Variants in PCLO observed in about 807,000 individuals in gnomAD.
PCLO encodes the protein piccolo presynaptic cytomatrix protein, also known as protein piccolo.
Under a neutral mutation model 427.5 loss-of-function variants are expected in PCLO, and 82 were observed. That is an observed-to-expected ratio of 0.19 (90% CI 0.16 to 0.23). The LOEUF (loss-of-function observed/expected upper bound fraction) is 0.23, where lower values mean the gene tolerates loss of function less well. PCLO is among the 10% of genes least tolerant of loss of function. PCLO has a pLI of 1.00. For synonymous variants in PCLO, 2,357 were observed against 2,155.4 expected, an observed-to-expected ratio of 1.09 and a Z score of -2.59; for missense variants, 6,239 against 6,115.9, an observed-to-expected ratio of 1.02 and a Z score of -0.67.
intron 3 of PCLO, among the ~76,000 whole-genome samples, chr7:83,025,611 A>G (rs1156836191): frequency 1.3e-5 from 2 of 152,100 alleles, no homozygotes; most frequent in Non-Finnish European, 2.9e-5. Context: ...GAATGCCACA[A>G]AGATACTCCT....
chr7:83,063,203 G>A (rs1016080886), intron 3 of PCLO, among the ~76,000 whole-genome samples: 1 of 152,036 alleles, frequency 6.6e-6, no homozygotes, highest in Admixed American at 6.6e-5. Flanking sequence ...TTAGATCCAG[G>A]TATCTGATGT....
chr7:82,846,927 C>T (rs758608071), intron 11 of PCLO, among the ~76,000 whole-genome samples: 2 of 152,114 alleles, frequency 1.3e-5, no homozygotes, highest in Admixed American at 6.6e-5. Context: ...TTAAATGAAG[C>T]ATGTTTCCAT....
In PCLO at chr7:83,099,513, T is replaced by C. The variant is rs370882274; in HGVS notation, c.3300+34737A>G. On this transcript the variant is annotated intron_variant, in intron 3 of 24. Coordinates refer to ENST00000333891, the MANE Select transcript of PCLO (RefSeq NM_033026.6). ...AAGTGATTCTTCTGCCTCAGCCTCC[T>C]GAGTAGATGGGATTACAGGCAGGGG... Among the ~76,000 whole-genome samples the C allele has an allele frequency of 1.7e-4, 26 of 151,674 alleles. No homozygotes were observed. The East Asian group carries it at 3.5e-3, about 20-fold the overall frequency.
intron 3 of PCLO, among the ~76,000 whole-genome samples, chr7:83,049,370 C>A (rs963841903): frequency 1.3e-5 from 2 of 152,048 alleles, no homozygotes; most frequent in African/African-American, 4.8e-5. Flanking sequence ...TGCACAATGG[C>A]CAATATGTTG....
At chr7:82,772,408 C>T (rs1407017951) in intron 22 of PCLO, among the ~76,000 whole-genome samples, 1 of 152,002 alleles carries the variant, frequency 6.6e-6, no homozygotes, top group Non-Finnish European at 1.5e-5. Flanking sequence ...GGGGTGGCCT[C>T]CTAGCACATT....
chr7:82,856,307 A>G (rs894542290), intron 10 of PCLO, among the ~76,000 whole-genome samples: 2 of 152,198 alleles, frequency 1.3e-5, no homozygotes, highest in African/African-American at 2.4e-5. Flanking sequence ...TATGCTTTTT[A>G]AACATACTTA....
At chr7:83,127,819 G>A (rs1791476031) in intron 3 of PCLO, among the ~76,000 whole-genome samples, 1 of 152,012 alleles carries the variant, frequency 6.6e-6, no homozygotes, top group African/African-American at 2.4e-5. Flanking sequence ...GTTTGATAAA[G>A]CCACAGTATG....
At chr7:82,877,799 G>C (rs1793409219) in intron 10 of PCLO, among the ~76,000 whole-genome samples, 1 of 152,094 alleles carries the variant, frequency 6.6e-6, no homozygotes, top group Non-Finnish European at 1.5e-5. Context: ...CCGAATAGCT[G>C]GGATTACAGG....
chr7:83,095,670 T>A (rs1390430407), intron 3 of PCLO, among the ~76,000 whole-genome samples: 3 of 152,030 alleles, frequency 2.0e-5, no homozygotes, highest in African/African-American at 7.2e-5. Context: ...CCCTTGGGCC[T>A]TTTTTGTTAA....
intron 3 of PCLO, among the ~76,000 whole-genome samples, chr7:83,038,204 A>C (rs1481140914): frequency 9.7e-6 from 1 of 103,608 alleles, no homozygotes; most frequent in African/African-American, 2.8e-5. Context: ...ATACACACAC[A>C]TATATGTGTT....
chr7:83,090,474 A>G (rs1790351218), intron 3 of PCLO, among the ~76,000 whole-genome samples: 1 of 152,190 alleles, frequency 6.6e-6, no homozygotes. Context: ...TTCTTCATTC[A>G]CACAAAGCAT....
chr7:82,763,843 T>C (rs2129467631), intron 22 of PCLO, among the ~76,000 whole-genome samples: 1 of 152,146 alleles, frequency 6.6e-6, no homozygotes, highest in South Asian at 2.1e-4. Flanking sequence ...TTCAAGAAAC[T>C]CCAAGCATAA....
At chr7:83,081,021 GAACCAC>G (rs1790086245) in intron 3 of PCLO, among the ~76,000 whole-genome samples, 2 of 151,774 alleles carry the variant, frequency 1.3e-5, no homozygotes, top group Admixed American at 1.3e-4. Flanking sequence ...ACCTATTTTT[GAACCAC>G]GGTTTATGGG....
chr7:83,139,675 C>T (rs940832210), intron 2 of PCLO, among the ~76,000 whole-genome samples: 1 of 152,128 alleles, frequency 6.6e-6, no homozygotes, highest in African/African-American at 2.4e-5. Context: ...CTTGAACAGA[C>T]TCCAACCCCT....
intron 3 of PCLO, among the ~76,000 whole-genome samples, chr7:83,115,539 A>G (rs1791109924): frequency 6.6e-6 from 1 of 152,078 alleles, no homozygotes; most frequent in Admixed American, 6.6e-5. Context: ...AATGCTTTAA[A>G]CGAACATCTC....
intron 3 of PCLO, among the ~76,000 whole-genome samples, chr7:83,076,937 T>C (rs1326608795): frequency 6.6e-6 from 1 of 151,868 alleles, no homozygotes; most frequent in African/African-American, 2.4e-5. Flanking sequence ...CTCGACATTT[T>C]TTGAGCATTG....
intron 3 of PCLO, among the ~76,000 whole-genome samples, chr7:83,002,758 A>T (rs956442245): frequency 1.3e-5 from 2 of 151,942 alleles, no homozygotes; most frequent in African/African-American, 4.8e-5. Flanking sequence ...CTCCACAAAA[A>T]GCGAAAATAA....
chr7:82,779,746 C>CTTT lies in PCLO; in HGVS notation c.15008-18256_15008-18254dup, dbSNP rs397976054. ...TATATTTTTTTTTCTTTCTTTCTTT[C>CTTT]TTTTTTTTTTTTTTAGACAGAGTCT... is the stretch of plus-strand genomic sequence containing the variant. On this transcript the variant is annotated intron_variant, in intron 22 of 24. Coordinates refer to ENST00000333891, the MANE Select transcript of PCLO (RefSeq NM_033026.6). Among the ~76,000 whole-genome samples the CTTT allele has an allele frequency of 6.8e-3, 908 of 134,372 alleles. 3 individuals are homozygous for CTTT. The highest frequency in any genetic ancestry group is 9.4e-3 in the Non-Finnish European group (594 of 63,276). The allele number at this position is 134,372 out of a possible 152,430, so 88.2% of individuals were successfully genotyped here.
In PCLO at chr7:82,954,037, T is replaced by C. The variant is rs747750190; in HGVS notation, c.6916A>G (p.Lys2306Glu). Residue 2306 changes from lysine (K) to glutamate (E), a missense_variant, in exon 5 of 25, where the codon AAG (lysine) becomes GAG (glutamate). Lys to Glu is a moderately conservative substitution (Grantham distance 56). Transcript: ENST00000333891. ...AGAATGATTCCATTCCCAGTTTCCT[T>C]CTTGGCTTTCTTCACTGGGTCCTTT... ...SEKDPVKKAKKETGNGIILEV... is the reference protein window; with the variant it reads ...SEKDPVKKAKEETGNGIILEV... 20 of 1,613,702 alleles carry C rather than the reference T, an allele frequency of 1.2e-5. No homozygotes were observed. The highest frequency in any genetic ancestry group is 1.7e-5 in the Non-Finnish European group (20 of 1,179,852).
Sources: gnomAD v4.1 joint callset for allele counts (sites outside exome capture counted in the v4.1 genomes callset) on GRCh38, gnomAD v4.1.1 for gene constraint, MANE v1.5 for transcripts, NCBI Gene and HGNC (gene_info 2026-07-23, HGNC 2026-07-21) for gene names.